WDR81: variants seen among roughly 807,000 people sequenced by gnomAD.
The protein encoded by WDR81 is WD repeat-containing protein 81.
WDR81 carries 92 observed loss-of-function variants against 140.8 expected under a neutral mutation model. The ratio of observed to expected loss-of-function variants is 0.65; its 90% CI spans 0.55 to 0.78. The LOEUF (loss-of-function observed/expected upper bound fraction) is 0.78, where lower values mean the gene tolerates loss of function less well. Ranked by LOEUF, WDR81 falls within the 30% of genes least tolerant of loss-of-function variation. The pLI, the probability that WDR81 is intolerant of heterozygous loss-of-function variation, is 0.00. For synonymous variants in WDR81, 1,183 were observed against 1,156.4 expected (o/e 1.02, Z -0.47); for missense variants, 2,502 against 2,636.4 (o/e 0.95, Z 1.12).
chr17:1,720,773 A>G (rs948054737), upstream of WDR81, among the ~76,000 whole-genome samples: 12 of 151,860 alleles, frequency 7.9e-5, no homozygotes, highest in African/African-American at 2.7e-4. Context: ...TCAAGAAAAA[A>G]AAAAAAAAAA....
chr17:1,734,300 G>T, intron 7 of WDR81, 84 bp downstream of exon 7: 1 of 1,424,810 alleles, frequency 7.0e-7, no homozygotes, highest in Non-Finnish European at 9.2e-7. Flanking sequence ...GGGTGGGGCT[G>T]TAATGCTGCG....
chr17:1,726,158 G>C lies in WDR81; in HGVS notation c.1199G>C (p.Arg400Pro). The C allele has an allele frequency of 6.6e-7, 1 of 1,519,734 alleles. No individual in the cohort carries two copies. Among genetic ancestry groups the C allele is most frequent in the Non-Finnish European group, 8.9e-7 (1 of 1,126,784 alleles). 94.1% of individuals were successfully genotyped at this position (1,519,734 alleles called of 1,614,324 possible). ...CCCCATGGGCGCTTCCGAGACCTGCGCAAGTCCAAGTTCCGCCTCAACAAG... is the reference window on the plus strand; with the variant it reads ...CCCCATGGGCGCTTCCGAGACCTGCCCAAGTCCAAGTTCCGCCTCAACAAG... Reference protein sequence around the residue: ...TTPHGRFRDLRKSKFRLNKGD... With the variant: ...TTPHGRFRDLPKSKFRLNKGD... The change falls in exon 1 of 10, where the codon CGC becomes CCC. Residue 400 changes from arginine to proline, a missense_variant. Transcript: ENST00000409644.
chr17:1,737,301 C>T, intron 9 of WDR81, 64 bp from the exon 10 acceptor site: 1 of 1,491,080 alleles, frequency 6.7e-7, no homozygotes, highest in Non-Finnish European at 8.9e-7. Flanking sequence ...CTGGGAAGGC[C>T]TTGGGGCCCA....
chr17:1,725,427 C>G lies in WDR81; in HGVS notation c.468C>G (p.His156Gln). The change falls in exon 1 of 10, where the codon CAC (histidine) becomes CAG (glutamine). Residue 156 changes from histidine to glutamine, a missense_variant. By Grantham distance (24) the His-to-Gln change is conservative. Around this residue, in one of 3 missense-constraint regions of WDR81, gnomAD observed 547 missense variants for 513.8 expected, o/e 1.06. Coordinates refer to ENST00000409644, the MANE Select transcript of WDR81 (RefSeq NM_001163809.2). ...GCAACCTGTGGCGCCATGCATACCA[C>G]ACTTACGGCCAGCCGTACAGTCACA... ...NYRNLWRHAYHTYGQPYSHSP... is the reference protein window; with the variant it reads ...NYRNLWRHAYQTYGQPYSHSP... The G allele has an allele frequency of 6.5e-7, 1 of 1,549,592 alleles. No homozygotes were observed. The highest frequency in any genetic ancestry group is 1.2e-5 in the South Asian group (1 of 84,066).
At chr17:1,720,156 G>C (rs1914786401), upstream of WDR81, among the ~76,000 whole-genome samples, 1 of 152,184 alleles carries the variant, frequency 6.6e-6, no homozygotes, top group African/African-American at 2.4e-5. Context: ...ATTAGCAAGA[G>C]CTGACCCCGC....
rs1915453224 is a variant in WDR81, at chr17:1,728,437, G to A, written c.3478G>A (p.Asp1160Asn). Residue 1160 changes from aspartate to asparagine, a missense_variant, in exon 1 of 10, where the codon GAC becomes AAC. Asp to Asn is a conservative substitution (Grantham distance 23). Coordinates refer to ENST00000409644, the MANE Select transcript of WDR81 (RefSeq NM_001163809.2). ...CTCCGAGGAGGAAGAGGAGGAGGAG[G>A]ACAGCTGCGTGGTGCTAGAGGAGGA... The part of the protein sequence containing the change: ...EGSEEEEEEE[D>N]SCVVLEEEEG... The A allele has an allele frequency of 2.5e-6, 4 of 1,612,370 alleles. No individual in the cohort carries two copies. The highest frequency in any genetic ancestry group is 3.4e-6 in the Non-Finnish European group (4 of 1,179,364).
chr17:1,721,782 A>G (rs1248536121), upstream of WDR81, among the ~76,000 whole-genome samples: 1 of 149,826 alleles, frequency 6.7e-6, no homozygotes, highest in East Asian at 2.0e-4. Context: ...AGATCACACT[A>G]CTGCATTCTA....
At chr17:1,730,559 C>T (rs755332943) in intron 2 of WDR81, 72 bp downstream of exon 2, 18 of 1,494,110 alleles carry the variant, frequency 1.2e-5, no homozygotes, top group African/African-American at 6.9e-5. Context: ...CAGCGCTCTC[C>T]GGCGGGGATC....
chr17:1,731,255 C>A lies in WDR81; in HGVS notation c.4154C>A (p.Thr1385Lys), dbSNP rs375460864. The change falls in exon 4 of 10, where the codon ACG becomes AAG. Residue 1385 changes from threonine to lysine, a missense_variant. This residue lies in a region of WDR81 where 1,737 missense variants were observed against 1,843.0 expected (regional missense o/e 0.94). Transcript: ENST00000409644. ...CTCAGCTTCCTCACCTCCCTCGTCA[C>A]GGGGTAGGCCTCTGCCCCAGCTGAT... ...PVLSFLTSLV[T>K]GFPSGAQART... The A allele has an allele frequency of 1.9e-6, 3 of 1,612,806 alleles. No homozygotes were observed. The highest frequency in any genetic ancestry group is 1.7e-6 in the Non-Finnish European group (2 of 1,179,664).
Position 1,735,892 on chromosome 17 carries a change from TGGGGGTG to T in WDR81, c.5326-143_5326-137del. 7.3e-7 allele frequency: 1 copy of T among 1,370,022 alleles called. No individual in the cohort carries two copies. 84.9% of individuals were successfully genotyped at this position (1,370,022 alleles called of 1,614,324 possible). ...TGCGGGGCAGGACTCTGGCCTGTGA[TGGGGGTG>T]GGGTTCTGGGCTTTTCATGCCCCCT... On this transcript the variant is annotated intron_variant, in intron 8 of 9. Transcript: ENST00000409644. The surrounding 1 kb of genome is among the most constrained non-coding windows in gnomAD (Gnocchi z 4.2).
Position 1,728,236 on chromosome 17 carries a change from G to A in WDR81, c.3277G>A (p.Glu1093Lys), listed in dbSNP as rs781758663. Reference protein sequence around the residue: ...EDFQAGLYVTESPQPQEAEAV... With the variant: ...EDFQAGLYVTKSPQPQEAEAV... The stretch of plus-strand genomic sequence containing the variant: ...CTTCCAAGCCGGGCTCTATGTGACT[G>A]AGTCTCCCCAGCCCCAGGAGGCTGA... Residue 1093 changes from glutamate (E) to lysine (K), a missense_variant, in exon 1 of 10, where the codon GAG becomes AAG. This residue lies in a region of WDR81 where 1,737 missense variants were observed against 1,843.0 expected (regional missense o/e 0.94). Transcript: ENST00000409644. 5.0e-6 allele frequency: 8 copies of A among 1,609,920 alleles called. No homozygotes were observed.
rs1323859649 is a variant in WDR81, at chr17:1,737,557, C to A, written c.5698C>A (p.Pro1900Thr). ...KIGVCSLLEP[P>T]SQATTKLSSE... ...TGGCGTCTGCTCCCTGCTTGAGCCA[C>A]CCTCGCAGGCCACCACGAAGCTCAG... The change falls in exon 10 of 10, where the codon CCC becomes ACC. Residue 1900 changes from proline (P) to threonine (T), a missense_variant. Transcript: ENST00000409644. The A allele has an allele frequency of 6.2e-7, 1 of 1,612,966 alleles. No individual in the cohort carries two copies. Among genetic ancestry groups the A allele is most frequent in the East Asian group, 2.2e-5 (1 of 44,888 alleles).
In WDR81 at chr17:1,730,487, G is replaced by A; in HGVS notation, c.3775G>A (p.Gly1259Arg). Residue 1259 changes from glycine (G) to arginine (R), a missense_variant and splice_region_variant, in exon 2 of 10, where the codon GGA becomes AGA. Physicochemically the swap from Gly to Arg is moderately radical, Grantham distance 125 (BLOSUM62 -2). Coordinates refer to ENST00000409644, the MANE Select transcript of WDR81 (RefSeq NM_001163809.2). ...LLRLLTSCYV[G>R]PTRQQFTVSS... The stretch of plus-strand genomic sequence containing the variant: ...CCGCCTGCTGACGTCTTGTTATGTT[G>A]GTAAGGAGGCCTGCGGTCAGTGCTG... 3 of 1,612,582 alleles carry A rather than the reference G, an allele frequency of 1.9e-6. No homozygotes were observed. The highest frequency in any genetic ancestry group is 2.5e-6 in the Non-Finnish European group (3 of 1,179,606).
upstream of WDR81, among the ~76,000 whole-genome samples, chr17:1,720,035 C>A (rs1049917729): frequency 6.6e-5 from 10 of 151,614 alleles, no homozygotes; most frequent in East Asian, 1.9e-3. Flanking sequence ...TTAGAAAACA[C>A]CTAGCGTAGA....
chr17:1,716,751 G>T, intron 1 of WDR81: 1 of 1,172,904 alleles, frequency 8.5e-7, no homozygotes. Flanking sequence ...AAACTGACTC[G>T]CCGGCCTCTG....
rs748813703 is a variant in WDR81 at position 1,732,844 on chromosome 17, C to T, written c.4489+13C>T. 2 of 1,584,780 alleles carry T rather than the reference C, an allele frequency of 1.3e-6. No individual in the cohort carries two copies. The highest frequency in any genetic ancestry group is 2.3e-5 in the South Asian group (2 of 87,694). ...TCCTGCCTGTTGGGTACTGCCCCAT[C>T]ACGTTCCCCATCACAGTCTTCGTGG... On this transcript the variant is annotated intron_variant, in intron 6 of 9. Coordinates refer to ENST00000409644, the MANE Select transcript of WDR81 (RefSeq NM_001163809.2).
At chr17:1,724,617 G>A, upstream of WDR81, 1 of 1,003,548 alleles carries the variant, frequency 1.0e-6, no homozygotes, top group South Asian at 4.7e-5. Flanking sequence ...GGGCGGGGAG[G>A]CCGCCGGGCA....
At chr17:1,724,100 C>T (rs1009322939), upstream of WDR81, among the ~76,000 whole-genome samples, 5 of 152,102 alleles carry the variant, frequency 3.3e-5, no homozygotes, top group Non-Finnish European at 5.9e-5. Context: ...CGCGGTGGCT[C>T]ACGCCTGTCA....
Position 1,727,858 on chromosome 17 carries a change from A to G in WDR81, c.2899A>G (p.Ile967Val), listed in dbSNP as rs766208935. The G allele has an allele frequency of 5.2e-5, 80 of 1,550,588 alleles. No individual in the cohort carries two copies. The highest frequency in any genetic ancestry group is 6.9e-5 in the Non-Finnish European group (79 of 1,147,076). ...CAATAAGTACCTCCTGAAGCCGCTC[A>G]TTGGTGCCTACGAGAGCCCCTGCCA... ...NANKYLLKPL[I>V]GAYESPCQLH... Residue 967 changes from isoleucine to valine, a missense_variant, in exon 1 of 10, where the codon ATT becomes GTT. This residue lies in a region of WDR81 where 1,737 missense variants were observed against 1,843.0 expected (regional missense o/e 0.94). Transcript: ENST00000409644.
Sources: allele counts gnomAD v4.1 joint callset (sites outside exome capture counted in the v4.1 genomes callset), GRCh38; gene constraint gnomAD v4.1.1; regional missense constraint gnomAD v4.1.1; non-coding constraint Gnocchi (gnomAD v3.1); transcripts MANE v1.5; gene names NCBI Gene and HGNC (gene_info 2026-07-23, HGNC 2026-07-21).